The following CIC variants were observed in gnomAD, a reference collection of about 807,000 sequenced individuals.
CIC encodes protein capicua homolog.
A neutral mutation model predicts 115.7 loss-of-function variants in CIC; 18 were observed. That is an observed-to-expected ratio of 0.16 (90% CI 0.11 to 0.23). The LOEUF is 0.23. Among genes scored for constraint, CIC ranks in the 10% least tolerant of loss-of-function variants. The pLI, the probability that CIC is intolerant of heterozygous loss-of-function variation, is 1.00. For missense variants in CIC, 2,000 were observed against 2,159.3 expected (o/e 0.93, Z 1.46); for synonymous variants, 1,076 against 923.0 (o/e 1.17, Z -3.01).
Position 42,290,503 on chromosome 19 carries a change from G to A in CIC, c.4462G>A (p.Gly1488Arg), listed in dbSNP as rs2038007181. The change falls in exon 11 of 21, where the codon GGG becomes AGG. Residue 1488 changes from glycine to arginine, a missense_variant. By Grantham distance (125) the Gly-to-Arg change is moderately radical. Transcript: ENST00000681038. ...GPLRPPPPGAGGPATPSKATR... is the reference protein window; with the variant it reads ...GPLRPPPPGARGPATPSKATR... ...CCTACGGCCCCCACCCCCTGGGGCT[G>A]GGGGTCCAGCGACACCTTCCAAGGC... The A allele has an allele frequency of 3.7e-6, 6 of 1,613,490 alleles. No individual in the cohort carries two copies. Among genetic ancestry groups the A allele is most frequent in the Non-Finnish European group, 4.2e-6 (5 of 1,179,880 alleles).
intron 2 of CIC, among the ~76,000 whole-genome samples, chr19:42,274,999 C>T (rs1420534658): frequency 6.6e-6 from 1 of 152,188 alleles, no homozygotes; most frequent in Non-Finnish European, 1.5e-5. Flanking sequence ...GCACTTACCA[C>T]CTGTTCTAAA....
In CIC at chr19:42,273,836, C is replaced by T; in HGVS notation, c.2053C>T (p.Pro685Ser). The T allele has an allele frequency of 5.0e-6, 2 of 398,906 alleles. No individual in the cohort carries two copies. Among genetic ancestry groups the T allele is most frequent in the Non-Finnish European group, 8.8e-6 (2 of 226,270 alleles). 24.7% of individuals were successfully genotyped at this position (398,906 alleles called of 1,614,324 possible). ...AGACCTGGGCCCCCACCCACCGCCA[C>T]CTGCCCCCCGAGAGCGCCACTCCTC... Reference protein sequence around the residue: ...PPDLGPHPPPPAPRERHSSGI... With the variant: ...PPDLGPHPPPSAPRERHSSGI... Residue 685 changes from proline to serine, a missense_variant, in exon 2 of 21, where the codon CCT (proline) becomes TCT (serine). Around this residue, in one of 8 missense-constraint regions of CIC, gnomAD observed 222 missense variants for 247.7 expected, o/e 0.90. Transcript: ENST00000681038.
rs79992997 is a variant in CIC at position 42,292,222 on chromosome 19, G to A, written c.5735+15G>A. 8 of 1,613,926 alleles carry A rather than the reference G, an allele frequency of 5.0e-6. No homozygotes were observed. In the East Asian group the frequency reaches 1.6e-4, roughly 31 times the overall value. On this transcript the variant is annotated intron_variant, in intron 13 of 20. Coordinates refer to ENST00000681038, the MANE Select transcript of CIC (RefSeq NM_001386298.1). ...TCCTCCACCAGGTAATTGCAGCTGA[G>A]CCCATACTCAGAGGCCAGGGAAGGG... is the stretch of plus-strand genomic sequence containing the variant.
intron 7 of CIC, among the ~76,000 whole-genome samples, chr19:42,288,309 C>T (rs1448709553): frequency 6.6e-6 from 1 of 152,202 alleles, no homozygotes; most frequent in Non-Finnish European, 1.5e-5. Context: ...GAGGCAAAAT[C>T]ACTTGCTTAA....
chr19:42,288,749 G>GTTT, intron 7 of CIC, 139 bp from the exon 8 acceptor site: 1 of 618,656 alleles, frequency 1.6e-6, no homozygotes, highest in Non-Finnish European at 2.8e-6. Context: ...GTGGGTGGTG[G>GTTT]TTTTTTTTTT....
intron 2 of CIC, among the ~76,000 whole-genome samples, chr19:42,281,293 G>A (rs929277580): frequency 6.6e-6 from 1 of 152,192 alleles, no homozygotes; most frequent in Non-Finnish European, 1.5e-5. Context: ...TGGGCCCCAT[G>A]AGTTTAGAGT....
chr19:42,286,800 G>T lies in CIC; in HGVS notation c.2824G>T (p.Ala942Ser), dbSNP rs1347286374. The change falls in exon 3 of 21, where the codon GCT becomes TCT. Residue 942 changes from alanine (A) to serine (S), a missense_variant. Physicochemically the swap from Ala to Ser is moderately conservative, Grantham distance 99. Transcript: ENST00000681038. Reference sequence around the variant, plus strand: ...GACGAATGTGGAACCTCGCTCTGTGGCTGTGTTCCCTTGGCACTCCTTAGT... The same window carrying T: ...GACGAATGTGGAACCTCGCTCTGTGTCTGTGTTCCCTTGGCACTCCTTAGT... ...VWTNVEPRSV[A>S]VFPWHSLVPF... The T allele has an allele frequency of 6.2e-7, 1 of 1,614,014 alleles. No homozygotes were observed. Among genetic ancestry groups the T allele is most frequent in the East Asian group, 2.2e-5 (1 of 44,870 alleles).
intron 1 of CIC, among the ~76,000 whole-genome samples, chr19:42,271,152 G>GTGTGTGTGTCTGAGTGCATGTA (rs1395848866): frequency 6.6e-6 from 1 of 152,236 alleles, no homozygotes; most frequent in Non-Finnish European, 1.5e-5. Context: ...TTGTGCATGT[G>GTGTGTGTGTCTGAGTGCATGTA]TGTGTGTGTC....
Position 42,294,299 on chromosome 19 carries a change from G to A in CIC, c.7049G>A (p.Arg2350His), listed in dbSNP as rs969587337. The change falls in exon 19 of 21, where the codon CGT (arginine) becomes CAT (histidine). Residue 2350 changes from arginine to histidine, a missense_variant. Around this residue, in one of 8 missense-constraint regions of CIC, gnomAD observed 99 missense variants for 217.6 expected, o/e 0.45. Coordinates refer to ENST00000681038, the MANE Select transcript of CIC (RefSeq NM_001386298.1). Reference sequence around the variant, plus strand: ...GAGGGGGACATCTTCACCTTTGACCGTACAGGTGCCGTGGTGGGCAGAACT... The same window carrying A: ...GAGGGGGACATCTTCACCTTTGACCATACAGGTGCCGTGGTGGGCAGAACT... ...KCEGDIFTFDRTGTEAEDVLG... is the reference protein window; with the variant it reads ...KCEGDIFTFDHTGTEAEDVLG... The A allele has an allele frequency of 1.9e-6, 3 of 1,613,112 alleles. No individual in the cohort carries two copies. Among genetic ancestry groups the A allele is most frequent in the South Asian group, 1.1e-5 (1 of 91,084 alleles).
rs767605425 is a variant in CIC at position 42,291,023 on chromosome 19, C to G, written c.4982C>G (p.Thr1661Ser). Residue 1661 changes from threonine (T) to serine (S), a missense_variant, in exon 11 of 21, where the codon ACT becomes AGT. Physicochemically the swap from Thr to Ser is moderately conservative, Grantham distance 58 (BLOSUM62 1). Coordinates refer to ENST00000681038, the MANE Select transcript of CIC (RefSeq NM_001386298.1). ...TTGGTGGCTGGACCCCTGCTGGGCA[C>G]TGTGGGGAAGGCGCCTGCCACTGTC... The part of the protein sequence containing the change: ...PHLVAGPLLG[T>S]VGKAPATVTN... 2.5e-6 allele frequency: 4 copies of G among 1,613,604 alleles called. No homozygotes were observed. In the South Asian group the frequency reaches 4.4e-5, roughly 18 times the overall value.
At position 42,287,116 on chromosome 19, in the gene CIC, C is replaced by A. The variant is rs2147180215; in HGVS notation, c.3055C>A (p.Pro1019Thr). 1 of 1,613,590 alleles carries A rather than the reference C, an allele frequency of 6.2e-7. No individual in the cohort carries two copies. Among genetic ancestry groups the A allele is most frequent in the Non-Finnish European group, 8.5e-7 (1 of 1,179,946 alleles). The change falls in exon 4 of 21, where the codon CCC becomes ACC. Residue 1019 changes from proline to threonine, a missense_variant. Pro to Thr is a conservative substitution (Grantham distance 38, BLOSUM62 -1). Transcript: ENST00000681038. This position sits in a 1 kb window ranked among gnomAD's most constrained non-coding sequence, Gnocchi z 8.7. ...ATCPESPGPG[P>T]PHPLGVVESG... The stretch of plus-strand genomic sequence containing the variant: ...ATGCCCTGAGAGCCCAGGACCCGGA[C>A]CCCCACACCCTTTGGGGGTGGTGGA...
intron 2 of CIC, among the ~76,000 whole-genome samples, chr19:42,281,089 T>C (rs1230894808): frequency 7.9e-6 from 1 of 125,886 alleles, no homozygotes; most frequent in East Asian, 2.8e-4. Context: ...AGCCCAATCC[T>C]GGGCTCGTTC....
rs2147193670 is a variant in CIC, at chr19:42,287,516, T to C, written c.3310-29T>C. The C allele has an allele frequency of 6.2e-7, 1 of 1,612,634 alleles. No individual in the cohort carries two copies. Among genetic ancestry groups the C allele is most frequent in the Non-Finnish European group, 8.5e-7 (1 of 1,180,024 alleles). The stretch of plus-strand genomic sequence containing the variant: ...CCACACCTGTCTGCCAGGTCCTAAC[T>C]GTCCCGCTCTGGGCTGTGTTTAATG... On this transcript the variant is annotated intron_variant, in intron 5 of 20. Coordinates refer to ENST00000681038, the MANE Select transcript of CIC (RefSeq NM_001386298.1). This position sits in a 1 kb window ranked among gnomAD's most constrained non-coding sequence, Gnocchi z 8.7.
rs1229773363 is a variant in CIC, at chr19:42,287,751, C to T, written c.3492+24C>T. 1 of 1,614,184 alleles carries T rather than the reference C, an allele frequency of 6.2e-7. No homozygotes were observed. Among genetic ancestry groups the T allele is most frequent in the Non-Finnish European group, 8.5e-7 (1 of 1,180,034 alleles). On this transcript the variant is annotated intron_variant, in intron 6 of 20. Coordinates refer to ENST00000681038, the MANE Select transcript of CIC (RefSeq NM_001386298.1). This position sits in a 1 kb window ranked among gnomAD's most constrained non-coding sequence, Gnocchi z 8.7. ...AGGTAACGCTGTTGCCTCTTGGCTC[C>T]TCCCAGCTTCTTCTGGTGGGGTGGG...
In CIC at chr19:42,287,189, C is replaced by G; in HGVS notation, c.3128C>G (p.Pro1043Arg). 6.2e-7 allele frequency: 1 copy of G among 1,613,596 alleles called. No homozygotes were observed. The highest frequency in any genetic ancestry group is 8.5e-7 in the Non-Finnish European group (1 of 1,179,908). The stretch of plus-strand genomic sequence containing the variant: ...ACCACGGAGGAGGAGGCCTCCGGCC[C>G]CCCAGGAGAGCCCCGGCTGGACAGT... ...PPTTEEEASGPPGEPRLDSET... is the reference protein window; with the variant it reads ...PPTTEEEASGRPGEPRLDSET... Residue 1043 changes from proline to arginine, a missense_variant, in exon 4 of 21, where the codon CCC becomes CGC. Around this residue, in one of 8 missense-constraint regions of CIC, gnomAD observed 222 missense variants for 247.7 expected, o/e 0.90. Transcript: ENST00000681038. The surrounding 1 kb of genome is among the most constrained non-coding windows in gnomAD (Gnocchi z 8.7).
intron 2 of CIC, among the ~76,000 whole-genome samples, chr19:42,279,615 C>A (rs2037130217): frequency 6.6e-6 from 1 of 152,246 alleles, no homozygotes; most frequent in African/African-American, 2.4e-5. Context: ...GGAGCTGACA[C>A]CAGAGTCCAG....
chr19:42,278,555 C>A (rs1337146472), intron 2 of CIC, among the ~76,000 whole-genome samples: 1 of 152,152 alleles, frequency 6.6e-6, no homozygotes, highest in African/African-American at 2.4e-5. Flanking sequence ...GCTTTCAGCC[C>A]ACCCTCTTTC....
At chr19:42,271,088 G>C (rs1454612326) in intron 1 of CIC, among the ~76,000 whole-genome samples, 1 of 139,644 alleles carries the variant, frequency 7.2e-6, no homozygotes. Flanking sequence ...GGGTGGGGGG[G>C]TGGAGAAAGG....
intron 2 of CIC, among the ~76,000 whole-genome samples, chr19:42,277,877 C>CT (rs2037048263): frequency 6.6e-6 from 1 of 152,244 alleles, no homozygotes; most frequent in African/African-American, 2.4e-5. Flanking sequence ...ACAGCCTGCC[C>CT]TTTCATTCTT....
Sources: allele counts gnomAD v4.1 joint callset (sites outside exome capture counted in the v4.1 genomes callset), GRCh38; gene constraint gnomAD v4.1.1; regional missense constraint gnomAD v4.1.1; non-coding constraint Gnocchi (gnomAD v3.1); transcripts MANE v1.5; gene names NCBI Gene and HGNC (gene_info 2026-07-23, HGNC 2026-07-21).